Variants in GFPT1 observed in about 807,000 individuals in gnomAD.
GFPT1 encodes glutamine--fructose-6-phosphate transaminase 1.
Under a neutral mutation model 92.0 loss-of-function variants are expected in GFPT1, and 40 were observed. The observed-to-expected ratio is 0.43, with a 90% confidence interval of 0.34 to 0.57. The LOEUF is 0.57. GFPT1 is among the 20% of genes least tolerant of loss of function. The pLI, the probability that GFPT1 is intolerant of heterozygous loss-of-function variation, is 0.02. For synonymous variants in GFPT1, 269 were observed against 280.6 expected, an observed-to-expected ratio of 0.96 and a Z score of 0.41; for missense variants, 448 against 869.1, an observed-to-expected ratio of 0.52 and a Z score of 6.09.
At chr2:69,329,998 G>A (rs1186388127) in intron 15 of GFPT1, among the ~76,000 whole-genome samples, 200 bp from the exon 16 acceptor site, 3 of 152,046 alleles carry the variant, frequency 2.0e-5, no homozygotes, top group South Asian at 4.1e-4. Flanking sequence ...CAGGGGGATC[G>A]CTTGAGCTTA....
In GFPT1 at chr2:69,325,926, T is replaced by TAA; in HGVS notation, c.*261_*262dup. On this transcript the variant is annotated 3_prime_UTR_variant, in exon 20 of 20. Transcript: ENST00000357308. ...CAGAAATGCAACACCCAGCATTCTTTAAAGAAAATAATAGCTAGAATCTTT... is the reference window on the plus strand; with the variant it reads ...CAGAAATGCAACACCCAGCATTCTTTAAAAAGAAAATAATAGCTAGAATCTTT... 2.5e-6 allele frequency: 1 copy of TAA among 395,276 alleles called. No homozygotes were observed. The allele number at this position is 395,276 out of a possible 1,614,324, so 24.5% of individuals were successfully genotyped here.
chr2:69,335,588 T>C lies in GFPT1; in HGVS notation c.1482+2310A>G, dbSNP rs1439670437. ...ATCCCCCAATCAAATCCTTAAGTGC[T>C]ACTAAAGGTGGCTGGTCATTTATTC... On this transcript the variant is annotated intron_variant, in intron 15 of 19. Coordinates refer to ENST00000357308, the MANE Select transcript of GFPT1 (RefSeq NM_001244710.2). Among the ~76,000 whole-genome samples, 3 of 152,192 alleles carry C rather than the reference T, an allele frequency of 2.0e-5. No homozygotes were observed. The East Asian group carries it at 5.8e-4, about 29-fold the overall frequency.
rs1387129991 is a variant in GFPT1, at chr2:69,321,034, A to G, written c.*5155T>C. On this transcript the variant is annotated 3_prime_UTR_variant, in exon 20 of 20. Coordinates refer to ENST00000357308, the MANE Select transcript of GFPT1 (RefSeq NM_001244710.2). The stretch of plus-strand genomic sequence containing the variant: ...AGGGATAGACTCTAGCTTGCTGTTC[A>G]TAAAAGGATTCTGTAAGGGAAACTT... 1 of 152,236 alleles carries G rather than the reference A, an allele frequency of 6.6e-6. No individual in the cohort carries two copies. The highest frequency in any genetic ancestry group is 1.5e-5 in the Non-Finnish European group (1 of 68,038). The allele number at this position is 152,236 out of a possible 1,614,324, so 9.4% of individuals were successfully genotyped here. A position where few individuals can be genotyped will look rare whatever the true frequency, so the allele number is the denominator to read the frequency against.
At chr2:69,376,045 T>A (rs1017155765) in intron 1 of GFPT1, among the ~76,000 whole-genome samples, 1 of 152,240 alleles carries the variant, frequency 6.6e-6, no homozygotes, top group African/African-American at 2.4e-5. Context: ...GAAGTATCTG[T>A]AATATGAATA....
intron 2 of GFPT1, among the ~76,000 whole-genome samples, chr2:69,373,684 A>G (rs911106910): frequency 1.3e-5 from 2 of 152,186 alleles, no homozygotes; most frequent in South Asian, 2.1e-4. Flanking sequence ...GCATGAAATC[A>G]ATGGATAAAA....
At chr2:69,338,627 T>C in intron 13 of GFPT1, 62 bp from the exon 14 acceptor site, 2 of 1,566,412 alleles carry the variant, frequency 1.3e-6, no homozygotes, top group African/African-American at 1.3e-5. Context: ...ATCGGACTTC[T>C]TTGGATTCAA....
chr2:69,362,479 A>G (rs755671330), intron 4 of GFPT1, among the ~76,000 whole-genome samples: 40 of 152,094 alleles, frequency 2.6e-4, no homozygotes, highest in Non-Finnish European at 5.0e-4. Flanking sequence ...AATAACATTT[A>G]TTTTTAAAGA....
chr2:69,338,832 G>T lies in GFPT1; in HGVS notation c.1204-267C>A, dbSNP rs191249650. Among the ~76,000 whole-genome samples, 5 of 127,138 alleles carry T rather than the reference G, an allele frequency of 3.9e-5. No homozygotes were observed. In the East Asian group the frequency reaches 1.1e-3, roughly 28 times the overall value. 83.4% of individuals were successfully genotyped at this position (127,138 alleles called of 152,430 possible). ...TTTTTTTTTTTTGAGACGGAGTCTC[G>T]CTCTGTCGCCAGGCTGGAGTGCAGT... On this transcript the variant is annotated intron_variant, in intron 13 of 19. Coordinates refer to ENST00000357308, the MANE Select transcript of GFPT1 (RefSeq NM_001244710.2).
chr2:69,337,060 ATT>A (rs376497924), intron 15 of GFPT1, among the ~76,000 whole-genome samples: 2,916 of 118,520 alleles, frequency 0.025, 98 homozygotes, highest in African/African-American at 0.087. Context: ...CAAATTTTAA[ATT>A]TTTTTTTTTT....
At chr2:69,343,265 T>C (rs1425263552) in intron 12 of GFPT1, among the ~76,000 whole-genome samples, 1 of 152,188 alleles carries the variant, frequency 6.6e-6, no homozygotes, top group Admixed American at 6.5e-5. Flanking sequence ...GTAAATATAG[T>C]GGTCAAGGCA....
At chr2:69,329,559 C>A in intron 16 of GFPT1, 125 bp downstream of exon 16, 1 of 941,818 alleles carries the variant, frequency 1.1e-6, no homozygotes. Context: ...TTTAATACAT[C>A]GGAGCAAACG....
chr2:69,345,967 A>G lies in GFPT1; in HGVS notation c.1042T>C (p.Phe348Leu). 6.2e-7 allele frequency: 1 copy of G among 1,607,614 alleles called. No individual in the cohort carries two copies. Among genetic ancestry groups the G allele is most frequent in the Non-Finnish European group, 8.5e-7 (1 of 1,174,008 alleles). The change falls in exon 12 of 20, where the codon TTT (phenylalanine) becomes CTT (leucine). Residue 348 changes from phenylalanine to leucine, a missense_variant. By Grantham distance (22) the Phe-to-Leu change is conservative. This residue lies in a region of GFPT1 where 121 missense variants were observed against 304.3 expected (regional missense o/e 0.40). Coordinates refer to ENST00000357308, the MANE Select transcript of GFPT1 (RefSeq NM_001244710.2). The part of the protein sequence containing the change: ...NFSSFMQKEI[F>L]EQPESVVNTM... ...TTCACGACAGACTCTGGCTGCTCAAATATTTCCTTCTGCATAAATGAACTG... is the reference window on the plus strand; with the variant it reads ...TTCACGACAGACTCTGGCTGCTCAAGTATTTCCTTCTGCATAAATGAACTG...
intron 13 of GFPT1, among the ~76,000 whole-genome samples, chr2:69,339,428 GT>G (rs1670882398): frequency 6.6e-6 from 1 of 152,288 alleles, no homozygotes; most frequent in East Asian, 1.9e-4. Context: ...GTATGCCTCT[GT>G]GCAAAACGTA....
intron 9 of GFPT1, among the ~76,000 whole-genome samples, chr2:69,350,795 T>C (rs1482265325): frequency 1.3e-5 from 2 of 150,858 alleles, no homozygotes; most frequent in Non-Finnish European, 2.9e-5. Flanking sequence ...CCCAGCTACT[T>C]GGGAGGCTTA....
intron 15 of GFPT1, among the ~76,000 whole-genome samples, chr2:69,330,935 G>GT (rs1290514217): frequency 6.6e-6 from 1 of 152,126 alleles, no homozygotes; most frequent in Non-Finnish European, 1.5e-5. Context: ...TGAGACAAAT[G>GT]TAACGCATTC....
Position 69,329,762 on chromosome 2 carries a change from C to A in GFPT1, c.1519G>T (p.Ala507Ser), listed in dbSNP as rs1670617199. Residue 507 changes from alanine (A) to serine (S), a missense_variant, in exon 16 of 20, where the codon GCC (alanine) becomes TCC (serine). This residue lies in a region of GFPT1 where 73 missense variants were observed against 103.5 expected (regional missense o/e 0.71). Coordinates refer to ENST00000357308, the MANE Select transcript of GFPT1 (RefSeq NM_001244710.2). ...ATCCGATCATCACACATCATAAGGG[C>A]AAACATCACAAGGGATACAAACTGG... Reference protein sequence around the residue: ...TSQFVSLVMFALMMCDDRISM... With the variant: ...TSQFVSLVMFSLMMCDDRISM... The A allele has an allele frequency of 8.1e-6, 13 of 1,611,642 alleles. No homozygotes were observed. The highest frequency in any genetic ancestry group is 1.1e-5 in the Non-Finnish European group (13 of 1,177,746).
intron 9 of GFPT1, among the ~76,000 whole-genome samples, chr2:69,352,612 CAAAAAAAAAAAA>C (rs748958210): frequency 1.1e-4 from 5 of 47,386 alleles, no homozygotes; most frequent in African/African-American, 3.8e-4. Context: ...GACTTCGTCT[CAAAAAAAAAAAA>C]AAAAAAAAAA....
rs1339146756 is a variant in GFPT1, at chr2:69,338,557, T to C, written c.1212A>G (p.Gln404=). 6.2e-7 allele frequency: 1 copy of C among 1,614,020 alleles called. No homozygotes were observed. The highest frequency in any genetic ancestry group is 8.5e-7 in the Non-Finnish European group (1 of 1,179,878). Residue 404 remains glutamine (Q), a synonymous_variant, in exon 14 of 20, where the codon CAA becomes CAG. Coordinates refer to ENST00000357308, the MANE Select transcript of GFPT1 (RefSeq NM_001244710.2). The stretch of plus-strand genomic sequence containing the variant: ...GCAACTCAGTCAGCTCCTCAAGAAC[T>C]TGACGTGTCTGCAGAGAAAATATGA... ...TSYHAGVATR[Q]VLEELTELPV... is the part of the protein sequence containing the mutation.
chr2:69,383,546 T>C (rs1371882220), intron 1 of GFPT1, among the ~76,000 whole-genome samples: 1 of 152,220 alleles, frequency 6.6e-6, no homozygotes, highest in African/African-American at 2.4e-5. Context: ...TTAGGATACT[T>C]TAAAATTGCA....
Sources: allele counts gnomAD v4.1 joint callset (sites outside exome capture counted in the v4.1 genomes callset), GRCh38; gene constraint gnomAD v4.1.1; regional missense constraint gnomAD v4.1.1; transcripts MANE v1.5; gene names NCBI Gene and HGNC (gene_info 2026-07-23, HGNC 2026-07-21).